The following METTL15 variants were observed in gnomAD, a reference collection of about 807,000 sequenced individuals.
METTL15 encodes 12S rRNA N(4)-cytidine methyltransferase METTL15.
METTL15 carries 34 observed loss-of-function variants against 38.3 expected under a neutral mutation model. The ratio of observed to expected loss-of-function variants is 0.89; its 90% CI spans 0.68 to 1.18. The LOEUF (loss-of-function observed/expected upper bound fraction) is 1.18, where lower values mean the gene tolerates loss of function less well. METTL15 is among the 50% of genes most tolerant of loss of function. The probability of loss-of-function intolerance (pLI) is 0.00; values close to 1 mark genes in which losing one functional copy is unlikely to be tolerated. For missense variants in METTL15, 438 were observed against 498.4 expected (o/e 0.88, Z 1.15); for synonymous variants, 162 against 170.9 (o/e 0.95, Z 0.41).
downstream of METTL15, among the ~76,000 whole-genome samples, chr11:28,334,920 A>G (rs901483570): frequency 6.6e-6 from 1 of 152,168 alleles, no homozygotes; most frequent in Non-Finnish European, 1.5e-5. Context: ...ATTAGGCAAC[A>G]AAGTAAAGAA....
intron 6 of METTL15, among the ~76,000 whole-genome samples, chr11:28,453,424 C>CT (rs1851140101): frequency 2.0e-5 from 3 of 152,210 alleles, no homozygotes; most frequent in Non-Finnish European, 4.4e-5. Flanking sequence ...TTCTATCAGT[C>CT]TTTAAGTATC....
intron 4 of METTL15, among the ~76,000 whole-genome samples, chr11:28,275,984 A>G (rs1855827500): frequency 6.6e-6 from 1 of 152,114 alleles, no homozygotes; most frequent in South Asian, 2.1e-4. Flanking sequence ...ACCTATAGCT[A>G]ACATCATACT....
At chr11:28,208,218 A>G (rs1176153246) in intron 3 of METTL15, among the ~76,000 whole-genome samples, 1 of 151,864 alleles carries the variant, frequency 6.6e-6, no homozygotes, top group Non-Finnish European at 1.5e-5. Context: ...TCAGTTTTTG[A>G]TCTTTCCTGC....
intron 4 of METTL15, among the ~76,000 whole-genome samples, chr11:28,216,227 TAAGA>T (rs1852862977): frequency 3.3e-5 from 5 of 152,076 alleles, no homozygotes; most frequent in Non-Finnish European, 4.4e-5. Context: ...TTACTAGATA[TAAGA>T]TTACACTATA....
intron 3 of METTL15, among the ~76,000 whole-genome samples, chr11:28,195,582 C>T (rs973794239): frequency 1.3e-5 from 2 of 151,710 alleles, no homozygotes; most frequent in Non-Finnish European, 2.9e-5. Flanking sequence ...CTCATTTTTT[C>T]GAGTTCCGTG....
intron 5 of METTL15, among the ~76,000 whole-genome samples, chr11:28,386,032 C>T (rs1850437214): frequency 6.6e-6 from 1 of 151,950 alleles, no homozygotes; most frequent in Admixed American, 6.6e-5. Context: ...AAGTTGTTAC[C>T]AGTTCTAAAT....
At chr11:28,144,314 C>A (rs1328058341) in intron 3 of METTL15, among the ~76,000 whole-genome samples, 1 of 152,082 alleles carries the variant, frequency 6.6e-6, no homozygotes, top group Non-Finnish European at 1.5e-5. Context: ...ATGACTTTGA[C>A]CTCTCTGTCA....
At chr11:28,368,788 T>G (rs886645530) in intron 5 of METTL15, among the ~76,000 whole-genome samples, 1 of 152,006 alleles carries the variant, frequency 6.6e-6, no homozygotes, top group Non-Finnish European at 1.5e-5. Context: ...ATAAAGAAAA[T>G]GTGGCATGTA....
intron 6 of METTL15, among the ~76,000 whole-genome samples, chr11:28,470,044 A>T (rs1851290002): frequency 2.0e-5 from 1 of 48,788 alleles, no homozygotes; most frequent in South Asian, 4.9e-4. Flanking sequence ...CAACAAAAGA[A>T]AAAAACCTCA....
At chr11:28,479,509 T>A (rs1851377760) in intron 6 of METTL15, among the ~76,000 whole-genome samples, 1 of 152,190 alleles carries the variant, frequency 6.6e-6, no homozygotes, top group Non-Finnish European at 1.5e-5. Context: ...TTCCAAGTCA[T>A]ACTCTTATAT....
chr11:28,329,008 G>C (rs1469256364), intron 6 of METTL15, among the ~76,000 whole-genome samples: 1 of 151,942 alleles, frequency 6.6e-6, no homozygotes, highest in Non-Finnish European at 1.5e-5. Context: ...TCACAATTTT[G>C]GTGTCATATC....
At chr11:28,444,340 T>G (rs1851058376) in intron 6 of METTL15, among the ~76,000 whole-genome samples, 1 of 152,222 alleles carries the variant, frequency 6.6e-6, no homozygotes, top group African/African-American at 2.4e-5. Flanking sequence ...TTTATATTTT[T>G]TCCTAAATAG....
intron 4 of METTL15, among the ~76,000 whole-genome samples, chr11:28,272,728 A>G (rs1033437334): frequency 5.3e-5 from 8 of 152,180 alleles, no homozygotes; most frequent in African/African-American, 1.9e-4. Context: ...AATAAAAGAA[A>G]AAAGAATTAC....
rs149351451 is a variant in METTL15 at position 28,412,938 on chromosome 11, A to G, written c.*359-11361A>G. ...AGTAACTATGTGAAATGATATATATATATTAATAGGCTTCACTATAGTAAC... is the reference window on the plus strand; with the variant it reads ...AGTAACTATGTGAAATGATATATATGTATTAATAGGCTTCACTATAGTAAC... On this transcript the variant is annotated intron_variant and NMD_transcript_variant, in intron 5 of 7. Transcript: ENST00000532947. Among the ~76,000 whole-genome samples, 429 of 152,156 alleles carry G rather than the reference A, an allele frequency of 2.8e-3. 1 individual carries two copies. Among genetic ancestry groups the G allele is most frequent in the African/African-American group, 0.01 (418 of 41,560 alleles).
chr11:28,265,026 C>A (rs935354158), intron 4 of METTL15, among the ~76,000 whole-genome samples: 8 of 151,902 alleles, frequency 5.3e-5, no homozygotes, highest in African/African-American at 1.9e-4. Flanking sequence ...ATGTGATTGA[C>A]GGTGGCCAAG....
At chr11:28,148,651 G>C (rs1318813109) in intron 3 of METTL15, among the ~76,000 whole-genome samples, 2 of 151,808 alleles carry the variant, frequency 1.3e-5, no homozygotes, top group African/African-American at 4.8e-5. Flanking sequence ...TTATACCTAA[G>C]CTAAATGAGC....
chr11:28,194,122 A>ATCTTTCTTTCTT (rs57046097), intron 3 of METTL15, among the ~76,000 whole-genome samples: 14,504 of 98,998 alleles, frequency 0.15, 1,557 homozygotes, highest in Non-Finnish European at 0.16. Context: ...TTGATGGTTG[A>ATCTTTCTTTCTT]TCTTTCTTTC....
intron 3 of METTL15, among the ~76,000 whole-genome samples, chr11:28,141,935 A>C (rs1341030794): frequency 3.3e-5 from 5 of 152,166 alleles, no homozygotes; most frequent in Non-Finnish European, 5.9e-5. Context: ...TCAAACTGTA[A>C]ACTAAATTCC....
chr11:28,300,840 A>T (rs571018807), intron 6 of METTL15, among the ~76,000 whole-genome samples: 39 of 152,288 alleles, frequency 2.6e-4, no homozygotes, highest in Admixed American at 2.3e-3. Context: ...CTAGCTAAAG[A>T]GTTGGAGTTG....
Sources: allele counts gnomAD v4.1 joint callset (sites outside exome capture counted in the v4.1 genomes callset), GRCh38; gene constraint gnomAD v4.1.1; transcripts MANE v1.5; gene names NCBI Gene and HGNC (gene_info 2026-07-23, HGNC 2026-07-21).